The following TRAK1 variants were observed in gnomAD, a reference collection of about 807,000 sequenced individuals.
TRAK1 encodes trafficking kinesin-binding protein 1.
Under a neutral mutation model 92.1 loss-of-function variants are expected in TRAK1, and 33 were observed. The observed-to-expected ratio is 0.36, with a 90% CI of 0.27 to 0.48. The LOEUF (loss-of-function observed/expected upper bound fraction) is 0.48. Among genes scored for constraint, TRAK1 ranks in the 20% least tolerant of loss-of-function variants. TRAK1 has a pLI of 0.99. For synonymous variants in TRAK1, 521 were observed against 517.3 expected (o/e 1.01, Z -0.10); for missense variants, 1,123 against 1,257.9 (o/e 0.89, Z 1.62).
chr3:42,183,420 G>T (rs1166384141), intron 3 of TRAK1, among the ~76,000 whole-genome samples: 1 of 151,966 alleles, frequency 6.6e-6, no homozygotes, highest in East Asian at 1.9e-4. Context: ...GCTGGGTGTG[G>T]TGGCACATAC....
chr3:42,067,937 C>T (rs1262127707), intron 1 of TRAK1, among the ~76,000 whole-genome samples: 4 of 151,860 alleles, frequency 2.6e-5, no homozygotes, highest in East Asian at 1.9e-4. Flanking sequence ...TTTGAGAGGC[C>T]GAGGCGGGCA....
intron 14 of TRAK1, chr3:42,219,066 T>C (rs1710043755): frequency 1.0e-6 from 1 of 985,386 alleles, no homozygotes; most frequent in East Asian, 1.1e-4. Context: ...CCTGTACTTC[T>C]CCCCTTCCTC....
At chr3:42,219,622 G>A (rs1710114706) in intron 15 of TRAK1, 26 bp downstream of exon 15, 7 of 1,577,410 alleles carry the variant, frequency 4.4e-6, no homozygotes, top group East Asian at 2.2e-5. Flanking sequence ...TTTGGGGTGG[G>A]CAGGGGTGGG....
At chr3:42,042,156 A>T (rs1190468884) in intron 1 of TRAK1, among the ~76,000 whole-genome samples, 4 of 151,798 alleles carry the variant, frequency 2.6e-5, no homozygotes, top group Admixed American at 2.0e-4. Context: ...CAAACTCCTG[A>T]CTTCAGGTGA....
intron 13 of TRAK1, among the ~76,000 whole-genome samples, chr3:42,206,281 G>A (rs971928491): frequency 6.6e-6 from 1 of 152,182 alleles, no homozygotes; most frequent in Non-Finnish European, 1.5e-5. Flanking sequence ...TGGGACTTTG[G>A]AACCAGCCAG....
At chr3:42,093,724 CAG>C (rs200641240) in intron 1 of TRAK1, among the ~76,000 whole-genome samples, 27,220 of 66,682 alleles carry the variant, frequency 0.41, 7,557 homozygotes, top group Middle Eastern at 0.6. Flanking sequence ...TTTTTTTTTA[CAG>C]AGTCTCACTT....
chr3:42,203,802 TTATGTACTA>T, intron 13 of TRAK1: 1 of 883,020 alleles, frequency 1.1e-6, no homozygotes, highest in Non-Finnish European at 1.4e-6. Flanking sequence ...TATATATTGT[TTATGTACTA>T]TATGTATATA....
intron 1 of TRAK1, among the ~76,000 whole-genome samples, chr3:42,122,343 C>CTT (rs1220191558): frequency 1.1e-4 from 16 of 143,198 alleles, no homozygotes; most frequent in East Asian, 2.0e-4. Context: ...TTAGAAGGGA[C>CTT]TTTTTTTTTT....
chr3:42,205,782 T>C (rs1030654904), intron 13 of TRAK1, among the ~76,000 whole-genome samples: 3 of 152,254 alleles, frequency 2.0e-5, no homozygotes, highest in African/African-American at 7.2e-5. Context: ...CTTTGATGAC[T>C]TGAAAATGTT....
chr3:42,114,743 C>T (rs994685987), intron 1 of TRAK1, among the ~76,000 whole-genome samples: 1 of 151,734 alleles, frequency 6.6e-6, no homozygotes, highest in Non-Finnish European at 1.5e-5. Flanking sequence ...GACAGAGTCT[C>T]CCTCTGTTGC....
intron 4 of TRAK1, among the ~76,000 whole-genome samples, chr3:42,185,575 T>C (rs753930456): frequency 6.6e-6 from 1 of 152,182 alleles, no homozygotes; most frequent in Non-Finnish European, 1.5e-5. Context: ...AGCCAGGCCC[T>C]ACGTAGTAGC....
rs772885069 is a variant in TRAK1, at chr3:42,189,012, C to T, written c.582-4C>T. The T allele has an allele frequency of 1.2e-6, 2 of 1,607,776 alleles. No homozygotes were observed. ...CTAGGTTGTGAGCGTACTTTCTCCCCCAGGTTGAAGAGGAATGAGTCGTCC... is the reference window on the plus strand; with the variant it reads ...CTAGGTTGTGAGCGTACTTTCTCCCTCAGGTTGAAGAGGAATGAGTCGTCC... On this transcript the variant is annotated splice_region_variant and splice_polypyrimidine_tract_variant and intron_variant, in intron 5 of 15. Transcript: ENST00000327628.
intron 8 of TRAK1, 98 bp downstream of exon 8, chr3:42,193,303 C>T (rs1706096951): frequency 6.7e-7 from 1 of 1,500,844 alleles, no homozygotes; most frequent in African/African-American, 1.4e-5. Context: ...AGTTTCATAT[C>T]TTAGCAGTTC....
At chr3:42,088,820 C>T (rs769430369), upstream of TRAK1, among the ~76,000 whole-genome samples, 23 of 152,326 alleles carry the variant, frequency 1.5e-4, no homozygotes, top group East Asian at 5.8e-4. Context: ...TCAGTGGCTG[C>T]GTTTCTTCTT....
chr3:42,071,730 C>G (rs987348233), intron 1 of TRAK1, among the ~76,000 whole-genome samples: 1 of 151,584 alleles, frequency 6.6e-6, no homozygotes, highest in Non-Finnish European at 1.5e-5. Flanking sequence ...AAGATACCCA[C>G]TCTCTCTCCC....
At chr3:42,145,282 T>C (rs1436265982) in intron 2 of TRAK1, among the ~76,000 whole-genome samples, 1 of 152,146 alleles carries the variant, frequency 6.6e-6, no homozygotes, top group East Asian at 1.9e-4. Context: ...GTCAGGAGTT[T>C]GAGACCAGCC....
intron 2 of TRAK1, among the ~76,000 whole-genome samples, chr3:42,130,236 T>G (rs1697015008): frequency 6.6e-6 from 1 of 152,100 alleles, no homozygotes; most frequent in South Asian, 2.1e-4. Context: ...CATTGGTCTT[T>G]AGGTGGCTAT....
At chr3:42,050,342 G>T (rs56070652) in intron 1 of TRAK1, among the ~76,000 whole-genome samples, 1 of 152,112 alleles carries the variant, frequency 6.6e-6, no homozygotes, top group Non-Finnish European at 1.5e-5. Context: ...ACCATTGCCC[G>T]GGCGTTCAGG....
intron 1 of TRAK1, among the ~76,000 whole-genome samples, chr3:42,021,824 C>T (rs529977224): frequency 2.6e-5 from 4 of 152,254 alleles, no homozygotes; most frequent in South Asian, 4.2e-4. Context: ...CCACCTGCCT[C>T]GGCCTCCCAA....
Sources: gnomAD v4.1 joint callset for allele counts (sites outside exome capture counted in the v4.1 genomes callset) on GRCh38, gnomAD v4.1.1 for gene constraint, MANE v1.5 for transcripts, NCBI Gene and HGNC (gene_info 2026-07-23, HGNC 2026-07-21) for gene names.